Variants in MOB3B observed in about 807,000 individuals in gnomAD.
MOB3B encodes MOB kinase activator-like 2B.
A neutral mutation model predicts 18.7 loss-of-function variants in MOB3B; 7 were observed. The observed-to-expected ratio is 0.37, with a 90% confidence interval of 0.21 to 0.70. The LOEUF (loss-of-function observed/expected upper bound fraction) is 0.70. MOB3B is among the 30% of genes least tolerant of loss of function. The pLI is 0.52. For missense variants in MOB3B, 253 were observed against 281.3 expected (o/e 0.90, Z 0.72); for synonymous variants, 111 against 99.9 (o/e 1.11, Z -0.66).
intron 1 of MOB3B, among the ~76,000 whole-genome samples, chr9:27,506,554 C>T (rs918757666): frequency 6.2e-4 from 92 of 148,786 alleles, no homozygotes; most frequent in African/African-American, 2.1e-3. Flanking sequence ...TTTTTTGAGA[C>T]GGAGTCTCAC....
chr9:27,481,352 A>G (rs1392412445), intron 1 of MOB3B, among the ~76,000 whole-genome samples: 2 of 152,184 alleles, frequency 1.3e-5, no homozygotes, highest in African/African-American at 4.8e-5. Flanking sequence ...GGGGCAGAGT[A>G]GGTCACATAA....
intron 1 of MOB3B, among the ~76,000 whole-genome samples, chr9:27,486,673 A>G (rs1369448003): frequency 6.6e-6 from 1 of 152,228 alleles, no homozygotes; most frequent in African/African-American, 2.4e-5. Context: ...CCTTCTAGAG[A>G]TGAGAAGCAG....
intron 1 of MOB3B, among the ~76,000 whole-genome samples, chr9:27,484,762 AC>A (rs1819709871): frequency 6.6e-6 from 1 of 151,656 alleles, no homozygotes; most frequent in Non-Finnish European, 1.5e-5. Flanking sequence ...GGCCTCCTCT[AC>A]CCTGCCCTGA....
rs751249066 is a variant in MOB3B at position 27,327,599 on chromosome 9, A to C, written c.*2988T>G. The C allele has an allele frequency of 6.6e-6, 1 of 152,006 alleles. No homozygotes were observed. Among genetic ancestry groups the C allele is most frequent in the Non-Finnish European group, 1.5e-5 (1 of 67,998 alleles). The allele number at this position is 152,006 out of a possible 1,614,324, so 9.4% of individuals were successfully genotyped here. A position where few individuals can be genotyped will look rare whatever the true frequency, so the allele number is the denominator to read the frequency against. ...ATACACAAACACCACCCCACCACCC[A>C]CCACTCAGACACACACAAAAGGGCA... On this transcript the variant is annotated 3_prime_UTR_variant, in exon 4 of 4. Transcript: ENST00000262244.
At chr9:27,361,569 A>G (rs1171143507) in intron 2 of MOB3B, among the ~76,000 whole-genome samples, 1 of 152,214 alleles carries the variant, frequency 6.6e-6, no homozygotes. Flanking sequence ...CCTGGGATTA[A>G]CAGTAAAAAG....
intron 1 of MOB3B, among the ~76,000 whole-genome samples, chr9:27,481,511 G>GTTTTTTTT (rs536716885): frequency 1.1e-4 from 8 of 69,724 alleles, no homozygotes; most frequent in Non-Finnish European, 2.6e-4. Context: ...TTTTTTTTTT[G>GTTTTTTTT]TTTTTTTTGT....
intron 2 of MOB3B, among the ~76,000 whole-genome samples, chr9:27,450,264 A>G (rs1822764527): frequency 6.6e-6 from 1 of 152,204 alleles, no homozygotes; most frequent in Admixed American, 6.5e-5. Flanking sequence ...TCTGGACATT[A>G]TGTAAACTGC....
chr9:27,378,266 A>G, intron 2 of MOB3B: 1 of 446,918 alleles, frequency 2.2e-6, no homozygotes, highest in South Asian at 1.6e-5. Flanking sequence ...ACTGTGTGTG[A>G]CTGAGAATGA....
Position 27,326,681 on chromosome 9 carries a change from A to G in MOB3B, c.*3906T>C. ...TTCTTCCACTTAACCTGGCTCTGAG[A>G]CTCTGGGTCTTTGGAAATGAGAAAA... On this transcript the variant is annotated 3_prime_UTR_variant, in exon 4 of 4. Coordinates refer to ENST00000262244, the MANE Select transcript of MOB3B (RefSeq NM_024761.5). The G allele has an allele frequency of 5.0e-6, 2 of 397,854 alleles. No homozygotes were observed. The highest frequency in any genetic ancestry group is 4.4e-6 in the Non-Finnish European group (1 of 225,874). The allele number at this position is 397,854 out of a possible 1,614,324, so 24.6% of individuals were successfully genotyped here. A position where few individuals can be genotyped will look rare whatever the true frequency, so the allele number is the denominator to read the frequency against.
intron 2 of MOB3B, among the ~76,000 whole-genome samples, chr9:27,402,372 C>A (rs1026936988): frequency 3.3e-5 from 5 of 152,146 alleles, no homozygotes; most frequent in Non-Finnish European, 5.9e-5. Context: ...ATGCCCGGCA[C>A]AGCACTTCAC....
chr9:27,408,780 T>C (rs1288286507), intron 2 of MOB3B, among the ~76,000 whole-genome samples: 1 of 152,168 alleles, frequency 6.6e-6, no homozygotes, highest in African/African-American at 2.4e-5. Context: ...TGGGGAGCTC[T>C]GAGCTTAATG....
At chr9:27,363,935 A>G (rs955032064) in intron 2 of MOB3B, among the ~76,000 whole-genome samples, 8 of 152,014 alleles carry the variant, frequency 5.3e-5, no homozygotes, top group Non-Finnish European at 8.8e-5. Context: ...TGTGGAGACA[A>G]GGTCCCACTA....
chr9:27,529,517 G>A, intron 1 of MOB3B, 38 bp downstream of exon 1: 1 of 980,938 alleles, frequency 1.0e-6, no homozygotes, highest in Non-Finnish European at 1.2e-6. Context: ...CCACCGGGCT[G>A]CGCCGCCTCC....
At chr9:27,506,798 G>A (rs1385240827) in intron 1 of MOB3B, among the ~76,000 whole-genome samples, 1 of 151,088 alleles carries the variant, frequency 6.6e-6, no homozygotes, top group Non-Finnish European at 1.5e-5. Context: ...CCAAAGTGCT[G>A]GGATTACAGG....
Position 27,420,585 on chromosome 9 carries a change from A to ATG in MOB3B, c.418+34547_418+34548insCA, listed in dbSNP as rs1822231992. On this transcript the variant is annotated intron_variant, in intron 2 of 3. Coordinates refer to ENST00000262244, the MANE Select transcript of MOB3B (RefSeq NM_024761.5). Reference sequence around the variant, plus strand: ...TATATATATATATATATATATATATATATATATATATGGAATACTACACAG... The same window carrying ATG: ...TATATATATATATATATATATATATATGTATATATATATGGAATACTACACAG... 3.3e-5 allele frequency among the ~76,000 whole-genome samples: 4 copies of ATG among 121,040 alleles called. No homozygotes were observed. In the South Asian group the frequency reaches 8.5e-4, roughly 26 times the overall value. The allele number at this position is 121,040 out of a possible 152,430, so 79.4% of individuals were successfully genotyped here. A position where few individuals can be genotyped will look rare whatever the true frequency, so the allele number is the denominator to read the frequency against.
rs528132839 is a variant in MOB3B at position 27,328,790 on chromosome 9, C to G, written c.*1797G>C. ...ACTTAGGGGCTCTTGTTTCTGTTCT[C>G]TGGATCTCTGTGATGGTCAGATATT... On this transcript the variant is annotated 3_prime_UTR_variant, in exon 4 of 4. Transcript: ENST00000262244. The G allele has an allele frequency of 6.6e-6, 1 of 152,670 alleles. No homozygotes were observed. The highest frequency in any genetic ancestry group is 2.1e-4 in the South Asian group (1 of 4,822). The allele number at this position is 152,670 out of a possible 1,614,324, so 9.5% of individuals were successfully genotyped here. A position where few individuals can be genotyped will look rare whatever the true frequency, so the allele number is the denominator to read the frequency against.
intron 2 of MOB3B, among the ~76,000 whole-genome samples, chr9:27,405,756 G>A (rs1461578072): frequency 6.6e-6 from 1 of 152,116 alleles, no homozygotes; most frequent in Non-Finnish European, 1.5e-5. Flanking sequence ...GTTCAACAAG[G>A]CAAGGATAAT....
intron 2 of MOB3B, among the ~76,000 whole-genome samples, chr9:27,368,353 T>TA (rs1554645707): frequency 4.1e-5 from 6 of 145,888 alleles, no homozygotes; most frequent in African/African-American, 1.5e-4. Context: ...CACACATACA[T>TA]ACACACACAC....
intron 2 of MOB3B, among the ~76,000 whole-genome samples, chr9:27,417,699 A>T (rs1232133251): frequency 1.3e-5 from 2 of 152,124 alleles, no homozygotes; most frequent in African/African-American, 2.4e-5. Flanking sequence ...TTTATTGAGG[A>T]CTCACAAGTA....
Sources: allele counts gnomAD v4.1 joint callset (sites outside exome capture counted in the v4.1 genomes callset), GRCh38; gene constraint gnomAD v4.1.1; transcripts MANE v1.5; gene names NCBI Gene and HGNC (gene_info 2026-07-23, HGNC 2026-07-21).